Variants in SOHLH2 observed in about 807,000 individuals in gnomAD.
The protein encoded by SOHLH2 is spermatogenesis- and oogenesis-specific basic helix-loop-helix-containing protein 2.
SOHLH2 carries 22 observed loss-of-function variants against 50.4 expected under a neutral mutation model. The ratio of observed to expected loss-of-function variants is 0.44; its 90% CI spans 0.31 to 0.62. The LOEUF is 0.62. Ranked by LOEUF, SOHLH2 falls within the 20% of genes least tolerant of loss-of-function variation. The probability of loss-of-function intolerance (pLI) is 0.08; values close to 1 mark genes in which losing one functional copy is unlikely to be tolerated. For synonymous variants in SOHLH2, 185 were observed against 187.3 expected (o/e 0.99, Z 0.10); for missense variants, 412 against 504.4 (o/e 0.82, Z 1.76).
intron 5 of SOHLH2, among the ~76,000 whole-genome samples, chr13:36,190,424 T>C (rs1158320079): frequency 6.6e-6 from 1 of 152,080 alleles, no homozygotes; most frequent in African/African-American, 2.4e-5. Context: ...GCATAAAGGA[T>C]TAGAAGGACA....
intron 2 of SOHLH2, among the ~76,000 whole-genome samples, chr13:36,197,593 A>C (rs1887771180): frequency 6.6e-6 from 1 of 152,204 alleles, no homozygotes; most frequent in Non-Finnish European, 1.5e-5. Flanking sequence ...GACAAAAGCC[A>C]GTATCATCTT....
chr13:36,208,782 C>A (rs891263591), intron 1 of SOHLH2, among the ~76,000 whole-genome samples: 1 of 152,152 alleles, frequency 6.6e-6, no homozygotes, highest in East Asian at 1.9e-4. Context: ...CAGAGTCCTA[C>A]CAAGTCTGAA....
chr13:36,212,245 A>G (rs997739231), intron 1 of SOHLH2, among the ~76,000 whole-genome samples: 9 of 152,200 alleles, frequency 5.9e-5, no homozygotes, highest in African/African-American at 2.2e-4. Context: ...ACCATGGCAC[A>G]GAGCGGGTAT....
intron 2 of SOHLH2, among the ~76,000 whole-genome samples, chr13:36,195,540 T>C (rs979809910): frequency 6.6e-6 from 1 of 152,074 alleles, no homozygotes; most frequent in Non-Finnish European, 1.5e-5. Flanking sequence ...CGGAAAGCTA[T>C]GAAGCTCAGG....
At chr13:36,200,187 AAT>A (rs1887855255) in intron 2 of SOHLH2, among the ~76,000 whole-genome samples, 1 of 152,212 alleles carries the variant, frequency 6.6e-6, no homozygotes, top group Non-Finnish European at 1.5e-5. Context: ...AAAATTTTAA[AAT>A]ATGATATAAA....
At chr13:36,181,582 A>C (rs918011091) in intron 6 of SOHLH2, among the ~76,000 whole-genome samples, 3 of 152,212 alleles carry the variant, frequency 2.0e-5, no homozygotes. Flanking sequence ...AAAATGTATA[A>C]CTGCAGAAGT....
intron 6 of SOHLH2, among the ~76,000 whole-genome samples, chr13:36,179,431 C>T (rs1887186754): frequency 6.6e-6 from 1 of 152,126 alleles, no homozygotes; most frequent in African/African-American, 2.4e-5. Flanking sequence ...GTTTTTGAGG[C>T]AGAGTCTCAC....
intron 6 of SOHLH2, among the ~76,000 whole-genome samples, chr13:36,175,488 C>CG (rs1472647860): frequency 6.6e-6 from 1 of 152,202 alleles, no homozygotes; most frequent in East Asian, 1.9e-4. Flanking sequence ...AGAAACTAAC[C>CG]TGTCTTTCAC....
intron 5 of SOHLH2, 137 bp downstream of exon 5, chr13:36,191,658 A>G (rs2079901891): frequency 1.1e-6 from 1 of 924,754 alleles, no homozygotes; most frequent in Admixed American, 2.8e-5. Context: ...TAAGTTGAAT[A>G]CTTCTGTAAT....
chr13:36,204,635 C>A (rs1328626), intron 1 of SOHLH2, among the ~76,000 whole-genome samples: 22,887 of 152,006 alleles, frequency 0.15, 2,148 homozygotes, highest in East Asian at 0.41. Flanking sequence ...TCATTCTGAT[C>A]CACTGATCTA....
intron 1 of SOHLH2, among the ~76,000 whole-genome samples, chr13:36,212,702 A>G (rs1190720682): frequency 6.6e-6 from 1 of 152,220 alleles, no homozygotes; most frequent in African/African-American, 2.4e-5. Flanking sequence ...GGGAAACACT[A>G]AAAAATTCAA....
Position 36,173,705 on chromosome 13 carries a change from A to G in SOHLH2, c.987T>C (p.Asp329=), listed in dbSNP as rs1181299919. ...GGAGAAGCTCACCTCTCACAGCTTC[A>G]TCCAAGGAGCTCTCTGCATCAGGAG... ...CSTPDAESSL[D]EAVRVPSSSA... is the part of the protein sequence containing the mutation. Residue 329 remains aspartate (D), a synonymous_variant, in exon 9 of 11, where the codon GAT becomes GAC. Transcript: ENST00000379881. 1 of 1,613,138 alleles carries G rather than the reference A, an allele frequency of 6.2e-7. No individual in the cohort carries two copies. The highest frequency in any genetic ancestry group is 1.9e-4 in the Middle Eastern group (1 of 5,294).
In SOHLH2 at chr13:36,184,459, C is replaced by CTT. The variant is rs764218457; in HGVS notation, c.641+5486_641+5487insAA. ...TGATGGAAGTTTCTACCTACAAAGA[C>CTT]CTTTTTTTTTTTTTTTTTTTGAGAC... On this transcript the variant is annotated intron_variant, in intron 6 of 10. Coordinates refer to ENST00000379881, the MANE Select transcript of SOHLH2 (RefSeq NM_017826.3). Among the ~76,000 whole-genome samples, 49 of 81,646 alleles carry CTT rather than the reference C, an allele frequency of 6.0e-4. 5 individuals carry two copies. Among genetic ancestry groups the CTT allele is most frequent in the African/African-American group, 1.4e-3 (28 of 20,412 alleles). 53.6% of individuals were successfully genotyped at this position (81,646 alleles called of 152,430 possible).
intron 5 of SOHLH2, among the ~76,000 whole-genome samples, chr13:36,190,491 T>C (rs1426945574): frequency 6.6e-6 from 1 of 152,174 alleles, no homozygotes; most frequent in East Asian, 1.9e-4. Flanking sequence ...ATTTTAAAAT[T>C]TGTCATTTAA....
intron 6 of SOHLH2, among the ~76,000 whole-genome samples, chr13:36,179,445 A>G (rs1012385041): frequency 1.3e-4 from 20 of 152,146 alleles, no homozygotes; most frequent in African/African-American, 4.8e-4. Context: ...GTCTCACTCT[A>G]TCATCCAGGC....
At chr13:36,194,554 TA>T (rs1887668385) in intron 2 of SOHLH2, among the ~76,000 whole-genome samples, 1 of 152,212 alleles carries the variant, frequency 6.6e-6, no homozygotes, top group Non-Finnish European at 1.5e-5. Context: ...CCGCTGAGGC[TA>T]CATTATGGGT....
chr13:36,191,951 T>C, intron 4 of SOHLH2, 57 bp from the exon 5 acceptor site: 1 of 1,580,560 alleles, frequency 6.3e-7, no homozygotes, highest in Non-Finnish European at 8.7e-7. Context: ...GAGATGACGC[T>C]AATCAAACAC....
chr13:36,214,311 G>A (rs1869300883), intron 1 of SOHLH2, among the ~76,000 whole-genome samples, 168 bp downstream of exon 1: 1 of 152,114 alleles, frequency 6.6e-6, no homozygotes, highest in South Asian at 2.1e-4. Context: ...GGGCGCCGGG[G>A]GAGAGTGGAC....
At chr13:36,178,974 T>C (rs893975809) in intron 6 of SOHLH2, among the ~76,000 whole-genome samples, 7 of 152,308 alleles carry the variant, frequency 4.6e-5, no homozygotes, top group East Asian at 1.9e-4. Flanking sequence ...AACCCTGTTA[T>C]AGTCATTCTT....
Sources: allele counts gnomAD v4.1 joint callset (sites outside exome capture counted in the v4.1 genomes callset), GRCh38; gene constraint gnomAD v4.1.1; transcripts MANE v1.5; gene names NCBI Gene and HGNC (gene_info 2026-07-23, HGNC 2026-07-21).